PAG1: variants seen among roughly 807,000 people sequenced by gnomAD.
PAG1 encodes phosphoprotein membrane anchor with glycosphingolipid microdomains 1.
PAG1 carries 23 observed loss-of-function variants against 31.7 expected under a neutral mutation model. That is an observed-to-expected ratio of 0.73 (90% confidence interval 0.52 to 1.03). The LOEUF (loss-of-function observed/expected upper bound fraction) is 1.03. Among genes scored for constraint, PAG1 ranks in the 50% least tolerant of loss-of-function variants. The pLI, the probability that PAG1 is intolerant of heterozygous loss-of-function variation, is 0.00. For missense variants in PAG1, 473 were observed against 540.7 expected (o/e 0.87, Z 1.24); for synonymous variants, 214 against 210.3 (o/e 1.02, Z -0.15).
At chr8:81,006,400 G>A (rs1015236705) in intron 3 of PAG1, among the ~76,000 whole-genome samples, 3 of 152,164 alleles carry the variant, frequency 2.0e-5, no homozygotes, top group Non-Finnish European at 2.9e-5. Context: ...GCACTGAAGT[G>A]CCACCTCTTC....
intron 2 of PAG1, among the ~76,000 whole-genome samples, chr8:81,061,727 A>G (rs1808920066): frequency 6.6e-6 from 1 of 152,214 alleles, no homozygotes; most frequent in Non-Finnish European, 1.5e-5. Flanking sequence ...AAAGACTAGC[A>G]CCAAAGTACC....
At chr8:81,067,182 A>G (rs970578231) in intron 2 of PAG1, among the ~76,000 whole-genome samples, 2 of 152,206 alleles carry the variant, frequency 1.3e-5, no homozygotes, top group African/African-American at 4.8e-5. Flanking sequence ...TTTAAAAATT[A>G]TGTATGTTTG....
rs1228896290 is a variant in PAG1 at position 80,976,683 on chromosome 8, T to C, written c.1160A>G (p.Tyr387Cys). 1 of 1,614,188 alleles carries C rather than the reference T, an allele frequency of 6.2e-7. No homozygotes were observed. The highest frequency in any genetic ancestry group is 8.5e-7 in the Non-Finnish European group (1 of 1,180,024). The change falls in exon 9 of 9, where the codon TAT (tyrosine) becomes TGT (cysteine). Residue 387 changes from tyrosine to cysteine, a missense_variant. Transcript: ENST00000220597. ...GRPSEEPEPD[Y>C]EAIQTLNREE... ...TCTGTTGAGAGTCTGTATCGCTTCATAATCAGGCTCTGGCTCCTCGCTGGG... is the reference window on the plus strand; with the variant it reads ...TCTGTTGAGAGTCTGTATCGCTTCACAATCAGGCTCTGGCTCCTCGCTGGG...
chr8:80,977,830 G>A (rs1449210268), intron 8 of PAG1, among the ~76,000 whole-genome samples: 1 of 152,124 alleles, frequency 6.6e-6, no homozygotes, highest in East Asian at 1.9e-4. Flanking sequence ...GAGACTTTTG[G>A]GGAGTATTAT....
intron 1 of PAG1, among the ~76,000 whole-genome samples, chr8:81,097,871 TG>T (rs1362831041): frequency 1.3e-5 from 2 of 152,188 alleles, no homozygotes; most frequent in Non-Finnish European, 2.9e-5. Context: ...ATGATGCTCT[TG>T]AGTCCTTAGA....
intron 2 of PAG1, among the ~76,000 whole-genome samples, chr8:81,062,662 G>A (rs976219335): frequency 1.4e-4 from 22 of 151,818 alleles, no homozygotes; most frequent in African/African-American, 4.3e-4. Flanking sequence ...CATAGACAGG[G>A]TTAACTTTAT....
intron 1 of PAG1, among the ~76,000 whole-genome samples, chr8:81,076,882 T>C (rs545150796): frequency 6.6e-6 from 1 of 152,368 alleles, no homozygotes; most frequent in Admixed American, 6.5e-5. Context: ...AGACCAAATA[T>C]ACTTTTGTAA....
chr8:80,988,900 C>A (rs1234839100), intron 5 of PAG1, among the ~76,000 whole-genome samples: 1 of 152,204 alleles, frequency 6.6e-6, no homozygotes, highest in East Asian at 1.9e-4. Flanking sequence ...AGTCAGAAAG[C>A]AAGTTGGTGT....
At chr8:81,023,064 T>C (rs1463863798) in intron 3 of PAG1, among the ~76,000 whole-genome samples, 1 of 152,166 alleles carries the variant, frequency 6.6e-6, no homozygotes, top group East Asian at 1.9e-4. Flanking sequence ...CAAACCTCCA[T>C]GGAAGATATT....
chr8:81,095,919 G>C (rs1809521691), intron 1 of PAG1, among the ~76,000 whole-genome samples: 1 of 152,204 alleles, frequency 6.6e-6, no homozygotes, highest in African/African-American at 2.4e-5. Context: ...CAGGGAAAAT[G>C]AATGAATAAA....
chr8:81,049,471 C>T (rs1808691443), intron 2 of PAG1, among the ~76,000 whole-genome samples: 1 of 152,032 alleles, frequency 6.6e-6, no homozygotes, highest in Admixed American at 6.6e-5. Flanking sequence ...AAACTAAGCA[C>T]ATAAAGGAAT....
At chr8:81,085,786 T>C (rs1051602239) in intron 1 of PAG1, among the ~76,000 whole-genome samples, 1 of 152,176 alleles carries the variant, frequency 6.6e-6, no homozygotes, top group African/African-American at 2.4e-5. Flanking sequence ...TCAGAGTAAG[T>C]CTTTCATATG....
chr8:80,995,282 A>T (rs934191104), intron 3 of PAG1, among the ~76,000 whole-genome samples: 16 of 152,188 alleles, frequency 1.1e-4, no homozygotes, highest in African/African-American at 2.9e-4. Flanking sequence ...TAAATGCAGG[A>T]CTCCCTGCGT....
intron 6 of PAG1, 94 bp downstream of exon 6, chr8:80,987,276 A>G (rs1234391521): frequency 9.9e-6 from 8 of 804,500 alleles, no homozygotes; most frequent in African/African-American, 1.7e-5. Flanking sequence ...GAGCAATAAC[A>G]CATTTCCTAC....
chr8:81,037,465 G>A (rs1808480127), intron 2 of PAG1, among the ~76,000 whole-genome samples: 1 of 152,202 alleles, frequency 6.6e-6, no homozygotes, highest in Admixed American at 6.5e-5. Flanking sequence ...CAGCAGAGAA[G>A]TAATCAAATG....
At chr8:81,080,760 T>A (rs907590454) in intron 1 of PAG1, among the ~76,000 whole-genome samples, 1 of 152,168 alleles carries the variant, frequency 6.6e-6, no homozygotes, top group Non-Finnish European at 1.5e-5. Flanking sequence ...TGCCCAGCAC[T>A]AAGTGAGCAA....
intron 1 of PAG1, among the ~76,000 whole-genome samples, chr8:81,093,576 T>C (rs75154526): frequency 1.3e-5 from 2 of 150,528 alleles, no homozygotes; most frequent in Non-Finnish European, 3.0e-5. Context: ...GACAAGGGGG[T>C]AGACACGTTG....
intron 1 of PAG1, among the ~76,000 whole-genome samples, chr8:81,089,824 T>G (rs945988484): frequency 6.6e-6 from 1 of 151,930 alleles, no homozygotes; most frequent in Non-Finnish European, 1.5e-5. Context: ...AACGTGAGAG[T>G]CCATAAAGAA....
intron 2 of PAG1, among the ~76,000 whole-genome samples, chr8:81,045,988 C>A (rs1254302361): frequency 2.0e-5 from 3 of 152,208 alleles, no homozygotes; most frequent in South Asian, 2.1e-4. Flanking sequence ...TCACAACTTT[C>A]CTTTTGTCTT....
Sources: allele counts gnomAD v4.1 joint callset (sites outside exome capture counted in the v4.1 genomes callset), GRCh38; gene constraint gnomAD v4.1.1; transcripts MANE v1.5; gene names NCBI Gene and HGNC (gene_info 2026-07-23, HGNC 2026-07-21).